GPR137B: variants seen among roughly 807,000 people sequenced by gnomAD.
GPR137B encodes the protein integral membrane protein GPR137B.
A neutral mutation model predicts 42.5 loss-of-function variants in GPR137B; 42 were observed. That is an observed-to-expected ratio of 0.99 (90% CI 0.77 to 1.28). The LOEUF (loss-of-function observed/expected upper bound fraction) is 1.28, where lower values mean the gene tolerates loss of function less well. Ranked by LOEUF, GPR137B falls within the 50% of genes most tolerant of loss-of-function variation. The pLI is 0.00. For missense variants in GPR137B, 487 were observed against 493.9 expected (o/e 0.99, Z 0.13); for synonymous variants, 218 against 209.7 (o/e 1.04, Z -0.34).
rs1663622048 is a variant in GPR137B, at chr1:236,205,221, G to T, written c.1062G>T (p.Trp354Cys). The change falls in exon 6 of 7, where the codon TGG becomes TGT. Residue 354 changes from tryptophan to cysteine, a missense_variant. By Grantham distance (215) the Trp-to-Cys change is radical. Transcript: ENST00000366592. ...RRYDSDDDLA[W>C]NIAPQGLQGG... ...ATGACAGTGATGATGACCTTGCCTG[G>T]AACATTGCCCCTCAGGGACTTCAGG... 1 of 1,613,456 alleles carries T rather than the reference G, an allele frequency of 6.2e-7. No individual in the cohort carries two copies.
At chr1:236,207,622 A>AGAT (rs1282176616) in intron 6 of GPR137B, among the ~76,000 whole-genome samples, 1 of 152,226 alleles carries the variant, frequency 6.6e-6, no homozygotes, top group African/African-American at 2.4e-5. Context: ...AGCACTTTAC[A>AGAT]GATGTTAACT....
intron 2 of GPR137B, among the ~76,000 whole-genome samples, chr1:236,172,698 T>C (rs1558486158): frequency 6.6e-6 from 1 of 151,794 alleles, no homozygotes; most frequent in Non-Finnish European, 1.5e-5. Context: ...TTTTTTTTTT[T>C]TTTTAAGAGA....
Position 236,178,650 on chromosome 1 carries a change from T to A in GPR137B, c.687+14T>A. On this transcript the variant is annotated intron_variant, in intron 3 of 6. Transcript: ENST00000366592. ...TTGGAGTCCAAGGTAGGTGGAAATG[T>A]GGTCAAGATCCCTCCCATGAAACGT... The A allele has an allele frequency of 6.8e-7, 1 of 1,467,750 alleles. No homozygotes were observed. Among genetic ancestry groups the A allele is most frequent in the Non-Finnish European group, 9.5e-7 (1 of 1,048,146 alleles). The allele number at this position is 1,467,750 out of a possible 1,614,324, so 90.9% of individuals were successfully genotyped here.
In GPR137B at chr1:236,185,139, A is replaced by T. The variant is rs181249598; in HGVS notation, c.966+1233A>T. 3.0e-3 allele frequency among the ~76,000 whole-genome samples: 460 copies of T among 152,306 alleles called. 1 individual carries two copies. The highest frequency in any genetic ancestry group is 0.01 in the African/African-American group (420 of 41,564). On this transcript the variant is annotated intron_variant, in intron 5 of 6. Coordinates refer to ENST00000366592, the MANE Select transcript of GPR137B (RefSeq NM_003272.4). ...TCATAAGGTTTTGAGAAGAAATTAT[A>T]TTCTTAATATAGATGACCTAATAGT...
intron 5 of GPR137B, 45 bp from the exon 6 acceptor site, chr1:236,205,081 G>C: frequency 6.5e-7 from 1 of 1,545,168 alleles, no homozygotes; most frequent in Non-Finnish European, 8.8e-7. Flanking sequence ...TCTGGTGCAA[G>C]GCATGATGTC....
rs866064545 is a variant in GPR137B, at chr1:236,150,533, A to T, written c.414+7497A>T. On this transcript the variant is annotated intron_variant, in intron 1 of 6. Transcript: ENST00000366592. This position sits in a 1 kb window ranked among gnomAD's most constrained non-coding sequence, Gnocchi z 6.2. ...GTGATGCCCTGCCAACCGAGGGGGA[A>T]CTAAATCCTGTTAATGCCCTCAGCA... 1.1e-3 allele frequency among the ~76,000 whole-genome samples: 172 copies of T among 152,264 alleles called. No individual in the cohort carries two copies. Among genetic ancestry groups the T allele is most frequent in the African/African-American group, 3.9e-3 (160 of 41,556 alleles).
intron 1 of GPR137B, among the ~76,000 whole-genome samples, chr1:236,153,512 A>G (rs890900137): frequency 6.6e-6 from 1 of 152,206 alleles, no homozygotes; most frequent in African/African-American, 2.4e-5. Context: ...CATTTTATTT[A>G]TCCATTCATC....
Position 236,208,327 on chromosome 1 carries a change from CTTAT to C in GPR137B, c.*172_*175del. Reference sequence around the variant, plus strand: ...AAGCAATAATGTAGACTGATAAACCCTTATTTTAGTACTAAAGAGGGAGCCTTGC... The same window carrying C: ...AAGCAATAATGTAGACTGATAAACCCTTTAGTACTAAAGAGGGAGCCTTGC... On this transcript the variant is annotated 3_prime_UTR_variant, in exon 7 of 7. Transcript: ENST00000366592. The C allele has an allele frequency of 1.5e-6, 2 of 1,356,560 alleles. No individual in the cohort carries two copies. Among genetic ancestry groups the C allele is most frequent in the Non-Finnish European group, 1.9e-6 (2 of 1,053,442 alleles). 84.0% of individuals were successfully genotyped at this position (1,356,560 alleles called of 1,614,324 possible). A position where few individuals can be genotyped will look rare whatever the true frequency, so the allele number is the denominator to read the frequency against.
Position 236,186,280 on chromosome 1 carries a change from A to ATATATTATATATT in GPR137B, c.966+2374_966+2375insTATATTATATATT, listed in dbSNP as rs1274616319. ...ATATATATTATATATTATATATAATAATATAAATAATATATAATATATATT... is the reference window on the plus strand; with the variant it reads ...ATATATATTATATATTATATATAATATATATTATATATTATATAAATAATATATAATATATATT... On this transcript the variant is annotated intron_variant, in intron 5 of 6. Coordinates refer to ENST00000366592, the MANE Select transcript of GPR137B (RefSeq NM_003272.4). Among the ~76,000 whole-genome samples, 5 of 85,608 alleles carry ATATATTATATATT rather than the reference A, an allele frequency of 5.8e-5. 2 individuals are homozygous for ATATATTATATATT. The highest frequency in any genetic ancestry group is 2.5e-4 in the African/African-American group (5 of 20,278). The allele number at this position is 85,608 out of a possible 152,430, so 56.2% of individuals were successfully genotyped here.
rs1265265265 is a variant in GPR137B at position 236,155,541 on chromosome 1, T to C, written c.414+12505T>C. Reference sequence around the variant, plus strand: ...AAGGGTGTGGGTGGGAGGTGTGCTCTCTAGAGTCCCGTCTCCTCGCGGGCT... The same window carrying C: ...AAGGGTGTGGGTGGGAGGTGTGCTCCCTAGAGTCCCGTCTCCTCGCGGGCT... On this transcript the variant is annotated intron_variant, in intron 1 of 6. Transcript: ENST00000366592. The surrounding 1 kb of genome is among the most constrained non-coding windows in gnomAD (Gnocchi z 4.6). 6.6e-6 allele frequency among the ~76,000 whole-genome samples: 1 copy of C among 152,004 alleles called. No individual in the cohort carries two copies. Among genetic ancestry groups the C allele is most frequent in the African/African-American group, 2.4e-5 (1 of 41,388 alleles).
Position 236,196,246 on chromosome 1 carries a change from T to A in GPR137B, c.967-8880T>A, listed in dbSNP as rs1483202819. On this transcript the variant is annotated intron_variant, in intron 5 of 6. Coordinates refer to ENST00000366592, the MANE Select transcript of GPR137B (RefSeq NM_003272.4). The stretch of plus-strand genomic sequence containing the variant: ...TCTCTGCTTTCTGGGTTCAAGTGAT[T>A]CTCCTGCGTCAGCCTCCTGAGTAGC... Among the ~76,000 whole-genome samples the A allele has an allele frequency of 6.6e-5, 10 of 152,230 alleles. No individual in the cohort carries two copies. The South Asian group carries it at 2.1e-3, about 32-fold the overall frequency.
At chr1:236,164,745 A>G (rs1662299001) in intron 1 of GPR137B, among the ~76,000 whole-genome samples, 2 of 152,228 alleles carry the variant, frequency 1.3e-5, no homozygotes, top group Admixed American at 6.5e-5. Context: ...TTATATAGAT[A>G]ATGTAAGTAC....
chr1:236,143,940 T>G (rs559437229), intron 1 of GPR137B, among the ~76,000 whole-genome samples: 1 of 152,250 alleles, frequency 6.6e-6, no homozygotes, highest in African/African-American at 2.4e-5. Context: ...TGATTCCCAT[T>G]AGCTTTCCAA....
chr1:236,160,554 C>A (rs184656467), intron 1 of GPR137B, among the ~76,000 whole-genome samples: 28 of 152,202 alleles, frequency 1.8e-4, no homozygotes, highest in African/African-American at 6.8e-4. Flanking sequence ...TGTCCACAAG[C>A]ATGCTCAGGT....
In GPR137B at chr1:236,142,609, G is replaced by C; in HGVS notation, c.-14G>C. On this transcript the variant is annotated 5_prime_UTR_variant, in exon 1 of 7. Transcript: ENST00000366592. ...CGGAGACCCCCGCGGGGGCGGCGGC[G>C]GCCGTGAGCCCCGATGAGGCCCGAG... 1 of 1,306,380 alleles carries C rather than the reference G, an allele frequency of 7.7e-7. No homozygotes were observed. Among genetic ancestry groups the C allele is most frequent in the Non-Finnish European group, 9.7e-7 (1 of 1,035,660 alleles). 80.9% of individuals were successfully genotyped at this position (1,306,380 alleles called of 1,614,324 possible). A position where few individuals can be genotyped will look rare whatever the true frequency, so the allele number is the denominator to read the frequency against.
At chr1:236,174,833 C>A (rs931452322) in intron 2 of GPR137B, among the ~76,000 whole-genome samples, 1 of 151,152 alleles carries the variant, frequency 6.6e-6, no homozygotes, top group Non-Finnish European at 1.5e-5. Context: ...GGTGACAGAG[C>A]AAGACCCCAA....
chr1:236,201,591 C>T (rs1159919658), intron 5 of GPR137B, among the ~76,000 whole-genome samples: 4 of 152,034 alleles, frequency 2.6e-5, no homozygotes, highest in African/African-American at 4.8e-5. Context: ...CCTCCAAGTG[C>T]GTCTTTCATT....
At chr1:236,191,124 A>G (rs1572001270) in intron 5 of GPR137B, among the ~76,000 whole-genome samples, 1 of 151,744 alleles carries the variant, frequency 6.6e-6, no homozygotes. Context: ...CTTCCACTTG[A>G]TCGATTTGGC....
intron 1 of GPR137B, among the ~76,000 whole-genome samples, chr1:236,161,454 CAT>C (rs1043339091): frequency 6.6e-6 from 1 of 152,106 alleles, no homozygotes; most frequent in Non-Finnish European, 1.5e-5. Context: ...CACCTCCACA[CAT>C]CACATCTCCT....
Sources: allele counts gnomAD v4.1 joint callset (sites outside exome capture counted in the v4.1 genomes callset), GRCh38; gene constraint gnomAD v4.1.1; non-coding constraint Gnocchi (gnomAD v3.1); transcripts MANE v1.5; gene names NCBI Gene and HGNC (gene_info 2026-07-23, HGNC 2026-07-21).